The following MTUS1 variants were observed in gnomAD, a reference collection of about 807,000 sequenced individuals.
MTUS1 encodes the protein microtubule-associated tumor suppressor 1.
In MTUS1, 109 loss-of-function variants were observed where a neutral mutation model predicts 120.8. The ratio of observed to expected loss-of-function variants is 0.90; its 90% CI spans 0.77 to 1.06. The LOEUF is 1.06. Ranked by LOEUF, MTUS1 falls within the 50% of genes least tolerant of loss-of-function variation. The pLI is 0.00. For missense variants in MTUS1, 2,210 were observed against 1,486.3 expected (o/e 1.49, Z -8.01); for synonymous variants, 737 against 550.5 (o/e 1.34, Z -4.74).
At chr8:17,678,488 G>A (rs553763187) in intron 7 of MTUS1, among the ~76,000 whole-genome samples, 1 of 152,250 alleles carries the variant, frequency 6.6e-6, no homozygotes, top group Non-Finnish European at 1.5e-5. Flanking sequence ...TGGGACACAG[G>A]CACTTAGTCT....
At chr8:17,769,574 C>T (rs941290850) in intron 1 of MTUS1, among the ~76,000 whole-genome samples, 14 of 151,840 alleles carry the variant, frequency 9.2e-5, no homozygotes, top group African/African-American at 3.4e-4. Context: ...GTCTCGATCT[C>T]CTGACCTCGT....
intron 10 of MTUS1, 61 bp downstream of exon 10, chr8:17,654,500 A>T: frequency 8.7e-7 from 1 of 1,155,238 alleles, no homozygotes; most frequent in Non-Finnish European, 1.3e-6. Flanking sequence ...TTTCCATCTT[A>T]AAACATCATG....
chr8:17,660,684 T>C (rs770010624), intron 8 of MTUS1, among the ~76,000 whole-genome samples: 15 of 152,220 alleles, frequency 9.9e-5, no homozygotes, highest in Non-Finnish European at 2.1e-4. Flanking sequence ...TTTCTCCACA[T>C]GCTCACCAGA....
intron 1 of MTUS1, among the ~76,000 whole-genome samples, chr8:17,772,801 C>T (rs897318476): frequency 2.0e-5 from 3 of 152,094 alleles, no homozygotes; most frequent in Admixed American, 2.0e-4. Flanking sequence ...AAACAATCAC[C>T]TGTAATTCAG....
chr8:17,727,700 C>A (rs1237796818), intron 3 of MTUS1, among the ~76,000 whole-genome samples: 2 of 152,100 alleles, frequency 1.3e-5, no homozygotes, highest in Admixed American at 1.3e-4. Context: ...CAGGTCATAT[C>A]GTATTGTGTA....
chr8:17,745,709 T>G (rs1586120814), intron 2 of MTUS1, among the ~76,000 whole-genome samples: 1 of 152,352 alleles, frequency 6.6e-6, no homozygotes, highest in East Asian at 1.9e-4. Flanking sequence ...ACATCGAACG[T>G]TAATAACTCC....
At chr8:17,740,472 T>C (rs1045034936) in intron 3 of MTUS1, among the ~76,000 whole-genome samples, 4 of 152,228 alleles carry the variant, frequency 2.6e-5, no homozygotes, top group African/African-American at 9.6e-5. Flanking sequence ...AGACACTTCA[T>C]TGTACAATCA....
chr8:17,660,152 C>T (rs369015552), intron 8 of MTUS1, among the ~76,000 whole-genome samples: 3 of 152,216 alleles, frequency 2.0e-5, no homozygotes, highest in Non-Finnish European at 2.9e-5. Flanking sequence ...GCAAGCAGAT[C>T]GCTTGAGTTC....
intron 8 of MTUS1, among the ~76,000 whole-genome samples, chr8:17,661,021 G>T (rs1809570854): frequency 6.6e-6 from 1 of 152,194 alleles, no homozygotes; most frequent in Non-Finnish European, 1.5e-5. Context: ...GAAAGATAGT[G>T]ATGGTCTTGA....
intron 6 of MTUS1, among the ~76,000 whole-genome samples, chr8:17,692,447 C>G (rs1052127497): frequency 1.2e-4 from 19 of 152,186 alleles, no homozygotes; most frequent in African/African-American, 4.6e-4. Flanking sequence ...CGAACAACCT[C>G]AAAGCTGCTT....
At chr8:17,712,599 A>C (rs1821543415) in intron 6 of MTUS1, among the ~76,000 whole-genome samples, 1 of 152,174 alleles carries the variant, frequency 6.6e-6, no homozygotes, top group African/African-American at 2.4e-5. Flanking sequence ...TTGGCCTCCC[A>C]AAGTGCTGGG....
At position 17,760,530 on chromosome 8, in the gene MTUS1, C is replaced by T. The variant is rs112025064; in HGVS notation, c.-154-4569G>A. The stretch of plus-strand genomic sequence containing the variant: ...AAGCCAAGGACAGAAAAGGGGTGAC[C>T]GGCCTTCGCTCAGGAGTTTGTCAAA... On this transcript the variant is annotated intron_variant, in intron 1 of 14. Coordinates refer to ENST00000693296, the MANE Select transcript of MTUS1 (RefSeq NM_001363059.2). 2.0e-5 allele frequency among the ~76,000 whole-genome samples: 3 copies of T among 152,212 alleles called. 1 individual carries two copies. Among genetic ancestry groups the T allele is most frequent in the African/African-American group, 7.2e-5 (3 of 41,528 alleles).
chr8:17,737,435 C>T (rs2047012498), intron 3 of MTUS1, among the ~76,000 whole-genome samples: 1 of 152,196 alleles, frequency 6.6e-6, no homozygotes, highest in South Asian at 2.1e-4. Flanking sequence ...TTTAAGGAAA[C>T]TAATTTAATT....
At chr8:17,769,343 G>A (rs907556776) in intron 1 of MTUS1, among the ~76,000 whole-genome samples, 2 of 115,702 alleles carry the variant, frequency 1.7e-5, no homozygotes, top group African/African-American at 6.7e-5. Flanking sequence ...GGCTTAGTCA[G>A]TAATTTTTTT....
rs140915387 is a variant in MTUS1, at chr8:17,770,858, A to C, written c.-154-14897T>G. Among the ~76,000 whole-genome samples the C allele has an allele frequency of 6.8e-3, 1,043 of 152,348 alleles. 2 individuals carry two copies. The highest frequency in any genetic ancestry group is 9.6e-3 in the Non-Finnish European group (656 of 68,018). The stretch of plus-strand genomic sequence containing the variant: ...AAACAAAAACATGACAAGTTCTTTA[A>C]GCAATTTTCAGATCATCTCTGAAAA... On this transcript the variant is annotated intron_variant, in intron 1 of 14. Transcript: ENST00000693296.
At chr8:17,744,146 A>C (rs1010310592) in intron 2 of MTUS1, among the ~76,000 whole-genome samples, 1 of 152,224 alleles carries the variant, frequency 6.6e-6, no homozygotes, top group Non-Finnish European at 1.5e-5. Context: ...TTTTTCTTTA[A>C]CACATTTTGA....
chr8:17,773,166 G>C (rs1248994323), intron 1 of MTUS1, among the ~76,000 whole-genome samples: 2 of 152,124 alleles, frequency 1.3e-5, no homozygotes, highest in African/African-American at 4.8e-5. Flanking sequence ...AAAATAAAAA[G>C]ATTAGGAATC....
intron 5 of MTUS1, among the ~76,000 whole-genome samples, 159 bp from the exon 6 acceptor site, chr8:17,713,411 T>C (rs436436): frequency 0.15 from 23,349 of 152,018 alleles, 1,876 homozygotes; most frequent in Non-Finnish European, 0.17. Flanking sequence ...TTTTGTCAAG[T>C]GCATTTTAAA....
At chr8:17,766,509 A>G (rs2049503775) in intron 1 of MTUS1, among the ~76,000 whole-genome samples, 1 of 152,180 alleles carries the variant, frequency 6.6e-6, no homozygotes, top group African/African-American at 2.4e-5. Context: ...TCTTTTAGAC[A>G]TTTGCAGATC....
Sources: gnomAD v4.1 joint callset for allele counts (sites outside exome capture counted in the v4.1 genomes callset) on GRCh38, gnomAD v4.1.1 for gene constraint, MANE v1.5 for transcripts, NCBI Gene and HGNC (gene_info 2026-07-23, HGNC 2026-07-21) for gene names.